Variants in NR5A2 observed in about 807,000 individuals in gnomAD.
NR5A2 encodes the protein nuclear receptor subfamily 5 group A member 2.
In NR5A2, 26 loss-of-function variants were observed where a neutral mutation model predicts 62.7. That is an observed-to-expected ratio of 0.41 (90% CI 0.30 to 0.58). The LOEUF (loss-of-function observed/expected upper bound fraction) is 0.58. Among genes scored for constraint, NR5A2 ranks in the 20% least tolerant of loss-of-function variants. The probability of loss-of-function intolerance (pLI) is 0.22; values close to 1 mark genes in which losing one functional copy is unlikely to be tolerated. For missense variants in NR5A2, 541 were observed against 669.1 expected (o/e 0.81, Z 2.11); for synonymous variants, 246 against 241.7 (o/e 1.02, Z -0.16).
intron 1 of NR5A2, among the ~76,000 whole-genome samples, chr1:200,033,435 G>C (rs963007413): frequency 6.7e-6 from 1 of 150,260 alleles, no homozygotes; most frequent in Non-Finnish European, 1.5e-5. Flanking sequence ...AAACCCAGCT[G>C]TGCCTCTTGC....
chr1:200,131,186 A>T (rs1666955628), intron 7 of NR5A2, among the ~76,000 whole-genome samples: 1 of 152,254 alleles, frequency 6.6e-6, no homozygotes, highest in Admixed American at 6.5e-5. Flanking sequence ...ATAATGGCAT[A>T]TAAAGTTGAT....
In NR5A2 at chr1:200,048,569, T is replaced by A. The variant is rs767729564; in HGVS notation, c.861T>A (p.Tyr287Ter). 6.2e-7 allele frequency: 1 copy of A among 1,614,048 alleles called. No homozygotes were observed. Among genetic ancestry groups the A allele is most frequent in the Non-Finnish European group, 8.5e-7 (1 of 1,180,038 alleles). Residue 287 changes from tyrosine to a stop codon, truncating the protein, a stop_gained, in exon 5 of 8, where the codon TAT becomes TAA. Coordinates refer to ENST00000367362, the MANE Select transcript of NR5A2 (RefSeq NM_205860.3). LOFTEE classifies it high-confidence loss of function. The surrounding 1 kb of genome is among the most constrained non-coding windows in gnomAD (Gnocchi z 4.8). Reference sequence around the variant, plus strand: ...GCTCACCCGAGTCCATAATGGGCTATTCATATATGGATAGTTACCAGACGA... The same window carrying A: ...GCTCACCCGAGTCCATAATGGGCTAATCATATATGGATAGTTACCAGACGA... ...YTSSPESIMG[Y>*]SYMDSYQTSS... is the part of the protein sequence containing the mutation.
At chr1:200,164,023 T>C (rs1371651510) in intron 7 of NR5A2, among the ~76,000 whole-genome samples, 2 of 151,806 alleles carry the variant, frequency 1.3e-5, no homozygotes, top group Non-Finnish European at 2.9e-5. Context: ...GTTGTCTTGG[T>C]GATAGTGAGT....
intron 7 of NR5A2, among the ~76,000 whole-genome samples, chr1:200,140,750 G>T (rs1197675274): frequency 6.6e-6 from 1 of 152,150 alleles, no homozygotes; most frequent in Admixed American, 6.5e-5. Flanking sequence ...AATCAGAAAG[G>T]CAGGGCGCAG....
At chr1:200,116,392 A>G (rs945320832) in intron 6 of NR5A2, among the ~76,000 whole-genome samples, 4 of 152,210 alleles carry the variant, frequency 2.6e-5, no homozygotes, top group Non-Finnish European at 5.9e-5. Flanking sequence ...ATGAGTGACT[A>G]TCCAGGAAAT....
intron 5 of NR5A2, among the ~76,000 whole-genome samples, chr1:200,110,085 C>T (rs1207359857): frequency 6.6e-6 from 1 of 152,164 alleles, no homozygotes; most frequent in African/African-American, 2.4e-5. Context: ...TAGACATACC[C>T]CTGAACCTCT....
intron 3 of NR5A2, among the ~76,000 whole-genome samples, chr1:200,045,040 A>G (rs1408902095): frequency 6.6e-6 from 1 of 152,086 alleles, no homozygotes; most frequent in Non-Finnish European, 1.5e-5. Context: ...GCATTTTGCA[A>G]TGGTTTATCA....
At position 200,039,700 on chromosome 1, in the gene NR5A2, G is replaced by A. The variant is rs1449831961; in HGVS notation, c.107G>A (p.Arg36His). 2 of 1,611,032 alleles carry A rather than the reference G, an allele frequency of 1.2e-6. No individual in the cohort carries two copies. Among genetic ancestry groups the A allele is most frequent in the Non-Finnish European group, 1.7e-6 (2 of 1,178,750 alleles). ...PDRHGSPIPA[R>H]GRLVMLPKVE... ...CGACACGGATCCCCCATCCCCGCCC[G>A]CGGTCGCCTTGTCATGCTGCCCAAA... Residue 36 changes from arginine (R) to histidine (H), a missense_variant, in exon 2 of 8, where the codon CGC becomes CAC. Arg to His is a conservative substitution (Grantham distance 29). Around this residue, in one of 3 missense-constraint regions of NR5A2, gnomAD observed 108 missense variants for 103.3 expected, o/e 1.05. Coordinates refer to ENST00000367362, the MANE Select transcript of NR5A2 (RefSeq NM_205860.3). The surrounding 1 kb of genome is among the most constrained non-coding windows in gnomAD (Gnocchi z 5.1).
At position 200,147,748 on chromosome 1, in the gene NR5A2, A is replaced by ACGCGGATGCCGG; in HGVS notation, c.1379-26210_1379-26199dup. ...CGCCTCTCCCACGTCCACGGTGAAG[A>ACGCGGATGCCGG]CGCGGATGCCGGCGCGAATGCCGGC... On this transcript the variant is annotated intron_variant, in intron 7 of 7. Coordinates refer to ENST00000367362, the MANE Select transcript of NR5A2 (RefSeq NM_205860.3). This position sits in a 1 kb window ranked among gnomAD's most constrained non-coding sequence, Gnocchi z 4.9. 1.8e-6 allele frequency: 1 copy of ACGCGGATGCCGG among 547,800 alleles called. No homozygotes were observed. Among genetic ancestry groups the ACGCGGATGCCGG allele is most frequent in the South Asian group, 1.8e-5 (1 of 54,082 alleles). The allele number at this position is 547,800 out of a possible 1,614,324, so 33.9% of individuals were successfully genotyped here. A position where few individuals can be genotyped will look rare whatever the true frequency, so the allele number is the denominator to read the frequency against.
Position 200,176,726 on chromosome 1 carries a change from C to T in NR5A2, c.*2516C>T, listed in dbSNP as rs879217485. On this transcript the variant is annotated 3_prime_UTR_variant, in exon 8 of 8. Transcript: ENST00000367362. ...ACATGTTGCCCAGGCTGGCCTTGAA[C>T]TCCTGGGCTCAAGCATTCCTCCTGC... is the stretch of plus-strand genomic sequence containing the variant. 6.6e-6 allele frequency: 1 copy of T among 152,252 alleles called. No individual in the cohort carries two copies. Among genetic ancestry groups the T allele is most frequent in the Admixed American group, 6.5e-5 (1 of 15,300 alleles). The allele number at this position is 152,252 out of a possible 1,614,324, so 9.4% of individuals were successfully genotyped here.
At chr1:200,070,776 C>T (rs561652174) in intron 5 of NR5A2, among the ~76,000 whole-genome samples, 1 of 140,982 alleles carries the variant, frequency 7.1e-6, no homozygotes, top group Admixed American at 7.1e-5. Flanking sequence ...CAAATATATA[C>T]ACAAACCTGA....
chr1:200,070,266 T>C (rs1663678739), intron 5 of NR5A2, among the ~76,000 whole-genome samples: 1 of 152,120 alleles, frequency 6.6e-6, no homozygotes, highest in African/African-American at 2.4e-5. Context: ...GCTTTCTCGG[T>C]CTTTTGGTTT....
chr1:200,045,997 T>C (rs1408268652), intron 4 of NR5A2, among the ~76,000 whole-genome samples: 1 of 152,226 alleles, frequency 6.6e-6, no homozygotes, highest in Admixed American at 6.5e-5. Context: ...TTTCAATTCT[T>C]TTTAAAAGAG....
intron 5 of NR5A2, among the ~76,000 whole-genome samples, chr1:200,074,788 A>T (rs1316964272): frequency 6.7e-5 from 9 of 133,654 alleles, no homozygotes; most frequent in African/African-American, 1.9e-4. Context: ...AAACACTTTA[A>T]TTTTTTTTTT....
intron 7 of NR5A2, among the ~76,000 whole-genome samples, chr1:200,158,648 T>A (rs113371026): frequency 6.6e-6 from 1 of 152,022 alleles, no homozygotes. Context: ...CAGGCTGGAG[T>A]GCAGTGGCGT....
In NR5A2 at chr1:200,172,449, A is replaced by G. The variant is rs753303815; in HGVS notation, c.1379-1514A>G. ...GACTCAGAGCTCCTTATTGTGTAGTATTTATGTTTGTACAACTCATCAATG... is the reference window on the plus strand; with the variant it reads ...GACTCAGAGCTCCTTATTGTGTAGTGTTTATGTTTGTACAACTCATCAATG... On this transcript the variant is annotated intron_variant, in intron 7 of 7. Transcript: ENST00000367362. Among the ~76,000 whole-genome samples the G allele has an allele frequency of 1.1e-4, 17 of 152,182 alleles. 1 individual carries two copies. Among genetic ancestry groups the G allele is most frequent in the Admixed American group, 1.3e-4 (2 of 15,274 alleles).
chr1:200,112,734 A>AT (rs1217913124), intron 6 of NR5A2, among the ~76,000 whole-genome samples: 5 of 152,014 alleles, frequency 3.3e-5, no homozygotes, highest in Admixed American at 6.5e-5. Flanking sequence ...GTGCTTTCAA[A>AT]TTTTTTTTGG....
rs1325979077 is a variant in NR5A2 at position 200,176,182 on chromosome 1, C to G, written c.*1972C>G. The G allele has an allele frequency of 1.3e-5, 2 of 152,532 alleles. No individual in the cohort carries two copies. The highest frequency in any genetic ancestry group is 2.9e-5 in the Non-Finnish European group (2 of 68,026). 9.4% of individuals were successfully genotyped at this position (152,532 alleles called of 1,614,324 possible). On this transcript the variant is annotated 3_prime_UTR_variant, in exon 8 of 8. Coordinates refer to ENST00000367362, the MANE Select transcript of NR5A2 (RefSeq NM_205860.3). ...TGTAAATTATGTGACTTGTAGCTTC[C>G]TCTGGTTTTCAAGTAAACTCAACAA...
In NR5A2 at chr1:200,147,436, G is replaced by T; in HGVS notation, c.1378+26481G>T. The T allele has an allele frequency of 2.0e-6, 1 of 512,272 alleles. No individual in the cohort carries two copies. The highest frequency in any genetic ancestry group is 1.6e-5 in the South Asian group (1 of 61,964). The allele number at this position is 512,272 out of a possible 1,614,324, so 31.7% of individuals were successfully genotyped here. A position where few individuals can be genotyped will look rare whatever the true frequency, so the allele number is the denominator to read the frequency against. ...AGATGCAGGCAGCTTATCTGTTTAT[G>T]GGGCTGCCTCCTCCAGTACACGGAG... On this transcript the variant is annotated intron_variant, in intron 7 of 7. Coordinates refer to ENST00000367362, the MANE Select transcript of NR5A2 (RefSeq NM_205860.3). The surrounding 1 kb of genome is among the most constrained non-coding windows in gnomAD (Gnocchi z 4.9).
Sources: gnomAD v4.1 joint callset for allele counts (sites outside exome capture counted in the v4.1 genomes callset) on GRCh38, gnomAD v4.1.1 for gene constraint, gnomAD v4.1.1 regional missense constraint, Gnocchi (gnomAD v3.1) non-coding constraint, MANE v1.5 for transcripts, NCBI Gene and HGNC (gene_info 2026-07-23, HGNC 2026-07-21) for gene names.